TBC1D2B: variants seen among roughly 807,000 people sequenced by gnomAD.
TBC1D2B encodes TBC1 domain family, member 2B.
A neutral mutation model predicts 100.8 loss-of-function variants in TBC1D2B; 64 were observed. The ratio of observed to expected loss-of-function variants is 0.64; its 90% confidence interval spans 0.52 to 0.78. The LOEUF (loss-of-function observed/expected upper bound fraction) is 0.78, where lower values mean the gene tolerates loss of function less well. TBC1D2B is among the 30% of genes least tolerant of loss of function. TBC1D2B has a pLI of 0.00. For missense variants in TBC1D2B, 1,052 were observed against 1,218.4 expected (o/e 0.86, Z 2.03); for synonymous variants, 480 against 479.7 (o/e 1.00, Z -0.01).
chr15:78,040,365 T>C (rs2073045407), intron 3 of TBC1D2B, among the ~76,000 whole-genome samples: 1 of 152,122 alleles, frequency 6.6e-6, no homozygotes, highest in African/African-American at 2.4e-5. Context: ...AGTCTACTGA[T>C]ACACACCAGC....
In TBC1D2B at chr15:78,024,065, G is replaced by A. The variant is rs558278943; in HGVS notation, c.1470+91C>T. 142 of 1,457,906 alleles carry A rather than the reference G, an allele frequency of 9.7e-5. No homozygotes were observed. The East Asian group carries it at 2.9e-3, about 30-fold the overall frequency. The allele number at this position is 1,457,906 out of a possible 1,614,324, so 90.3% of individuals were successfully genotyped here. A position where few individuals can be genotyped will look rare whatever the true frequency, so the allele number is the denominator to read the frequency against. ...AAAATAAGTGTGCAGCTGTTCTGCC[G>A]TCACACCAAATCAGCTCACGGAGGC... On this transcript the variant is annotated intron_variant, in intron 6 of 12. Coordinates refer to ENST00000300584, the MANE Select transcript of TBC1D2B (RefSeq NM_144572.2).
rs781703208 is a variant in TBC1D2B at position 78,024,336 on chromosome 15, C to T, written c.1290G>A (p.Lys430=). Residue 430 remains lysine (K), a synonymous_variant, in exon 6 of 13, where the codon AAG becomes AAA. Coordinates refer to ENST00000300584, the MANE Select transcript of TBC1D2B (RefSeq NM_144572.2). ...ESLQQEVRTL[K]SKVGELNEQL... is the part of the protein sequence containing the mutation. ...GCTCGTTGAGCTCGCCCACTTTGCT[C>T]TTCAGCGTCCTTACTTCCTGCTGAA... The T allele has an allele frequency of 9.3e-6, 15 of 1,614,076 alleles. No homozygotes were observed. Among genetic ancestry groups the T allele is most frequent in the South Asian group, 5.5e-5 (5 of 91,084 alleles).
intron 3 of TBC1D2B, among the ~76,000 whole-genome samples, 184 bp downstream of exon 3, chr15:78,044,716 T>G (rs926855750): frequency 6.6e-6 from 1 of 152,232 alleles, no homozygotes; most frequent in Non-Finnish European, 1.5e-5. Flanking sequence ...TTTGGCATAG[T>G]GTCAGACACA....
chr15:78,003,503 C>T lies in TBC1D2B; in HGVS notation c.2389-13G>A. 1 of 1,600,014 alleles carries T rather than the reference C, an allele frequency of 6.2e-7. No individual in the cohort carries two copies. Among genetic ancestry groups the T allele is most frequent in the Non-Finnish European group, 8.6e-7 (1 of 1,168,294 alleles). On this transcript the variant is annotated splice_polypyrimidine_tract_variant and intron_variant, in intron 10 of 12. Coordinates refer to ENST00000300584, the MANE Select transcript of TBC1D2B (RefSeq NM_144572.2). ...CCCGCTGGTCCACCTGGAGAGGGAACAAAGGGGAGAAGTGTATCAGGCCTG... is the reference window on the plus strand; with the variant it reads ...CCCGCTGGTCCACCTGGAGAGGGAATAAAGGGGAGAAGTGTATCAGGCCTG...
intron 3 of TBC1D2B, among the ~76,000 whole-genome samples, chr15:78,032,459 C>A (rs1245667062): frequency 1.3e-5 from 2 of 150,736 alleles, no homozygotes; most frequent in Non-Finnish European, 3.0e-5. Context: ...GTAAAATTCA[C>A]AACATCTGGT....
rs549849090 is a variant in TBC1D2B, at chr15:78,059,451, A to G, written c.361-5264T>C. 5.9e-5 allele frequency among the ~76,000 whole-genome samples: 9 copies of G among 152,344 alleles called. No homozygotes were observed. In the South Asian group the frequency reaches 1.9e-3, roughly 32 times the overall value. ...GAAAGCCATTGTAGTTGTCTCCTAC[A>G]TGGCTGCATGAACGTCCTGGGTGAG... On this transcript the variant is annotated intron_variant, in intron 1 of 12. Transcript: ENST00000300584.
At chr15:78,034,310 T>C (rs1478066487) in intron 3 of TBC1D2B, among the ~76,000 whole-genome samples, 1 of 152,236 alleles carries the variant, frequency 6.6e-6, no homozygotes, top group Non-Finnish European at 1.5e-5. Flanking sequence ...GTTCATTTTT[T>C]TGACATGACT....
chr15:78,021,890 G>A (rs1186430382), intron 6 of TBC1D2B, among the ~76,000 whole-genome samples: 6 of 152,216 alleles, frequency 3.9e-5, no homozygotes, highest in Non-Finnish European at 5.9e-5. Context: ...GTCTACAGAA[G>A]GAGCTGCATA....
At chr15:77,998,640 C>T in intron 12 of TBC1D2B, 2 of 379,292 alleles carry the variant, frequency 5.3e-6, no homozygotes, top group Non-Finnish European at 9.6e-6. Flanking sequence ...TTCATCTGCA[C>T]ACTGGGGTAA....
intron 2 of TBC1D2B, among the ~76,000 whole-genome samples, chr15:78,052,742 A>G (rs577634968): frequency 6.6e-6 from 1 of 152,364 alleles, no homozygotes; most frequent in African/African-American, 2.4e-5. Flanking sequence ...GGCTATGCTC[A>G]TGAACCCTGC....
chr15:78,024,002 T>C (rs2072584687), intron 6 of TBC1D2B, among the ~76,000 whole-genome samples, 154 bp downstream of exon 6: 1 of 152,102 alleles, frequency 6.6e-6, no homozygotes. Context: ...AGATTAATGA[T>C]TATTTGATGG....
chr15:78,016,116 C>A (rs1392432076), intron 8 of TBC1D2B, among the ~76,000 whole-genome samples: 1 of 152,130 alleles, frequency 6.6e-6, no homozygotes, highest in Non-Finnish European at 1.5e-5. Context: ...AATCCAAGAT[C>A]CATCATTGGC....
intron 3 of TBC1D2B, among the ~76,000 whole-genome samples, chr15:78,036,261 G>A (rs1003345307): frequency 9.2e-5 from 14 of 152,154 alleles, no homozygotes; most frequent in Non-Finnish European, 1.9e-4. Flanking sequence ...ACGCATGCAC[G>A]CTTATTGCAA....
At position 78,009,038 on chromosome 15, in the gene TBC1D2B, T is replaced by A; in HGVS notation, c.2347A>T (p.Met783Leu). The change falls in exon 10 of 13, where the codon ATG becomes TTG. Residue 783 changes from methionine to leucine, a missense_variant. This residue lies in a region of TBC1D2B where 373 missense variants were observed against 464.9 expected (regional missense o/e 0.80). Coordinates refer to ENST00000300584, the MANE Select transcript of TBC1D2B (RefSeq NM_144572.2). Reference sequence around the variant, plus strand: ...GTCTTTGTATAATAGTCTCGAGGCATGAAAACTTCCACTATGGTAACGAGA... The same window carrying A: ...GTCTTTGTATAATAGTCTCGAGGCAAGAAAACTTCCACTATGGTAACGAGA... Reference protein sequence around the residue: ...WCLVTIVEVFMPRDYYTKTLL... With the variant: ...WCLVTIVEVFLPRDYYTKTLL... 6.2e-7 allele frequency: 1 copy of A among 1,607,490 alleles called. No individual in the cohort carries two copies. The highest frequency in any genetic ancestry group is 8.5e-7 in the Non-Finnish European group (1 of 1,176,774).
intron 8 of TBC1D2B, among the ~76,000 whole-genome samples, chr15:78,014,454 T>G (rs967963441): frequency 9.9e-5 from 15 of 152,270 alleles, no homozygotes; most frequent in African/African-American, 3.4e-4. Flanking sequence ...CTAGAGAAAC[T>G]CTCTCACGTG....
At chr15:78,050,596 T>G (rs983080464) in intron 2 of TBC1D2B, among the ~76,000 whole-genome samples, 1 of 152,268 alleles carries the variant, frequency 6.6e-6, no homozygotes, top group African/African-American at 2.4e-5. Context: ...AGACACCTGA[T>G]TGTATCTTTA....
intron 8 of TBC1D2B, among the ~76,000 whole-genome samples, chr15:78,015,399 G>T (rs936366973): frequency 6.6e-6 from 1 of 151,998 alleles, no homozygotes; most frequent in African/African-American, 2.4e-5. Flanking sequence ...AGAAAAAGTT[G>T]AAAATAAACC....
intron 1 of TBC1D2B, among the ~76,000 whole-genome samples, chr15:78,077,058 T>G (rs1394326641): frequency 6.6e-6 from 1 of 151,956 alleles, no homozygotes; most frequent in Non-Finnish European, 1.5e-5. Flanking sequence ...AGATAATGGG[T>G]CAAGGTGTCT....
chr15:78,042,217 A>G (rs929980103), intron 3 of TBC1D2B, among the ~76,000 whole-genome samples: 2 of 152,234 alleles, frequency 1.3e-5, no homozygotes, highest in Non-Finnish European at 1.5e-5. Flanking sequence ...GCTCAAGGAC[A>G]TGGAAAACAC....
Sources: allele counts gnomAD v4.1 joint callset (sites outside exome capture counted in the v4.1 genomes callset), GRCh38; gene constraint gnomAD v4.1.1; regional missense constraint gnomAD v4.1.1; transcripts MANE v1.5; gene names NCBI Gene and HGNC (gene_info 2026-07-23, HGNC 2026-07-21).